Variants in PLPPR4 observed in about 807,000 individuals in gnomAD.
The protein encoded by PLPPR4 is phospholipid phosphatase related 4.
In PLPPR4, 24 loss-of-function variants were observed where a neutral mutation model predicts 56.6. The observed-to-expected ratio is 0.42, with a 90% confidence interval of 0.31 to 0.60. The LOEUF (loss-of-function observed/expected upper bound fraction) is 0.60, where lower values mean the gene tolerates loss of function less well. Ranked by LOEUF, PLPPR4 falls within the 20% of genes least tolerant of loss-of-function variation. The pLI is 0.13. For missense variants in PLPPR4, 654 were observed against 885.8 expected (o/e 0.74, Z 3.32); for synonymous variants, 326 against 328.1 (o/e 0.99, Z 0.07).
Position 99,305,833 on chromosome 1 carries a change from C to T in PLPPR4, c.971C>T (p.Thr324Ile), listed in dbSNP as rs1660009962. 1.2e-6 allele frequency: 2 copies of T among 1,613,984 alleles called. No individual in the cohort carries two copies. Among genetic ancestry groups the T allele is most frequent in the Non-Finnish European group, 1.7e-6 (2 of 1,180,022 alleles). ...AGCAGCAGTGATGGAATTGCTCATA[C>T]AGAAGGCATCCTCAACCGAAACCAC... ...NGSSSDGIAH[T>I]EGILNRNHRD... The change falls in exon 7 of 7, where the codon ACA becomes ATA. Residue 324 changes from threonine (T) to isoleucine (I), a missense_variant. Thr to Ile is a moderately conservative substitution (Grantham distance 89, BLOSUM62 -1). Coordinates refer to ENST00000370185, the MANE Select transcript of PLPPR4 (RefSeq NM_014839.5).
At chr1:99,294,064 C>T (rs1384064541) in intron 2 of PLPPR4, among the ~76,000 whole-genome samples, 1 of 151,154 alleles carries the variant, frequency 6.6e-6, no homozygotes, top group Non-Finnish European at 1.5e-5. Flanking sequence ...AACCTAAATT[C>T]TGACACCATA....
At chr1:99,286,633 A>G (rs1042308425) in intron 1 of PLPPR4, among the ~76,000 whole-genome samples, 7 of 152,184 alleles carry the variant, frequency 4.6e-5, no homozygotes, top group African/African-American at 1.7e-4. Flanking sequence ...AAGAAGCAGT[A>G]GTATAAAGAG....
intron 1 of PLPPR4, among the ~76,000 whole-genome samples, chr1:99,275,407 T>C (rs1659158397): frequency 6.6e-6 from 1 of 152,208 alleles, no homozygotes; most frequent in Non-Finnish European, 1.5e-5. Flanking sequence ...TTTTAGACGG[T>C]TGGCCCAGGA....
chr1:99,289,022 A>C (rs1195572993), intron 2 of PLPPR4, among the ~76,000 whole-genome samples: 2 of 152,166 alleles, frequency 1.3e-5, no homozygotes, highest in Non-Finnish European at 2.9e-5. Context: ...ATACATTGTG[A>C]GTAACACACT....
intron 2 of PLPPR4, among the ~76,000 whole-genome samples, chr1:99,295,621 C>T (rs1659721666): frequency 6.6e-6 from 1 of 152,140 alleles, no homozygotes; most frequent in African/African-American, 2.4e-5. Context: ...ATCTTTTAGG[C>T]ACAATTATCT....
chr1:99,299,295 TC>T, intron 4 of PLPPR4, 65 bp downstream of exon 4: 7 of 1,202,466 alleles, frequency 5.8e-6, no homozygotes, highest in Non-Finnish European at 8.5e-6. Flanking sequence ...GCTTGGAGTA[TC>T]ACTTTAAGCA....
intron 3 of PLPPR4, 72 bp from the exon 4 acceptor site, chr1:99,298,963 A>G (rs1557781887): frequency 1.0e-6 from 1 of 983,386 alleles, no homozygotes; most frequent in Non-Finnish European, 1.6e-6. Context: ...TTAATTCACT[A>G]ATGTTTAATG....
chr1:99,266,549 C>T (rs928666878), intron 1 of PLPPR4, among the ~76,000 whole-genome samples: 1 of 152,218 alleles, frequency 6.6e-6, no homozygotes, highest in African/African-American at 2.4e-5. Flanking sequence ...ACAATTGTTA[C>T]TTCTTTTCCA....
intron 1 of PLPPR4, among the ~76,000 whole-genome samples, chr1:99,274,389 C>T (rs1312549578): frequency 6.6e-6 from 1 of 152,030 alleles, no homozygotes; most frequent in Non-Finnish European, 1.5e-5. Context: ...AATGAATTTT[C>T]TCTGTCCCAT....
In PLPPR4 at chr1:99,300,933, A is replaced by C; in HGVS notation, c.615A>C (p.Ala205=). 6.2e-7 allele frequency: 1 copy of C among 1,612,414 alleles called. No homozygotes were observed. Among genetic ancestry groups the C allele is most frequent in the Non-Finnish European group, 8.5e-7 (1 of 1,178,696 alleles). Residue 205 remains alanine (A), a synonymous_variant, in exon 5 of 7, where the codon GCA becomes GCC. Transcript: ENST00000370185. The part of the protein sequence containing the change: ...SGRKSFPSQH[A]TLAAFAAVYV... The stretch of plus-strand genomic sequence containing the variant: ...GAAAGTCCTTCCCTTCTCAACATGC[A>C]ACCCTTGCTGCCTTTGCAGCTGTGT...
upstream of PLPPR4, chr1:99,264,234 C>T: frequency 1.9e-6 from 1 of 540,210 alleles, no homozygotes; most frequent in Non-Finnish European, 3.2e-6. Context: ...CGTCAAGCTC[C>T]GACAGCCTTG....
At position 99,306,057 on chromosome 1, in the gene PLPPR4, C is replaced by G. The variant is rs768274200; in HGVS notation, c.1195C>G (p.Leu399Val). The change falls in exon 7 of 7, where the codon CTC becomes GTC. Residue 399 changes from leucine to valine, a missense_variant. Coordinates refer to ENST00000370185, the MANE Select transcript of PLPPR4 (RefSeq NM_014839.5). The surrounding 1 kb of genome is among the most constrained non-coding windows in gnomAD (Gnocchi z 4.0). ...TATGGATTCCGCTCGATCAAAGCAG[C>G]TCCTCACCCAGTGGAAGAATAAGAA... is the stretch of plus-strand genomic sequence containing the variant. ...ASMDSARSKQ[L>V]LTQWKNKNES... is the part of the protein sequence containing the mutation. 1.9e-6 allele frequency: 3 copies of G among 1,614,068 alleles called. No individual in the cohort carries two copies. Among genetic ancestry groups the G allele is most frequent in the Non-Finnish European group, 2.5e-6 (3 of 1,180,028 alleles).
chr1:99,301,948 G>A, intron 6 of PLPPR4, 51 bp downstream of exon 6: 1 of 1,368,448 alleles, frequency 7.3e-7, no homozygotes, highest in Non-Finnish European at 1.0e-6. Flanking sequence ...TGGAAAACAT[G>A]CATAGAATAT....
intron 6 of PLPPR4, 82 bp from the exon 7 acceptor site, chr1:99,305,603 A>T (rs376073784): frequency 1.5e-6 from 2 of 1,345,974 alleles, no homozygotes; most frequent in South Asian, 1.4e-5. Flanking sequence ...ATACCTATGT[A>T]TGTACTTCAG....
intron 1 of PLPPR4, among the ~76,000 whole-genome samples, chr1:99,270,425 C>A (rs1197645680): frequency 6.6e-6 from 1 of 152,206 alleles, no homozygotes; most frequent in Non-Finnish European, 1.5e-5. Flanking sequence ...AGTAACTAAA[C>A]AGTTTGTTCA....
rs141367307 is a variant in PLPPR4, at chr1:99,303,772, C to T, written c.822+1875C>T. 3.1e-3 allele frequency among the ~76,000 whole-genome samples: 469 copies of T among 152,256 alleles called. 2 individuals carry two copies. Among genetic ancestry groups the T allele is most frequent in the African/African-American group, 0.011 (457 of 41,542 alleles). On this transcript the variant is annotated intron_variant, in intron 6 of 6. Coordinates refer to ENST00000370185, the MANE Select transcript of PLPPR4 (RefSeq NM_014839.5). ...TCACTTTAAAAGTTATTCTCACTCG[C>T]ATGCATTCTTCACTGCAGGAGAAAG...
chr1:99,287,581 A>G (rs1659497672), intron 1 of PLPPR4, among the ~76,000 whole-genome samples: 1 of 152,256 alleles, frequency 6.6e-6, no homozygotes, highest in South Asian at 2.1e-4. Context: ...AATAATTGCC[A>G]TTCTGACTGG....
intron 2 of PLPPR4, among the ~76,000 whole-genome samples, chr1:99,295,337 C>T (rs1034188128): frequency 6.6e-6 from 1 of 152,028 alleles, no homozygotes; most frequent in African/African-American, 2.4e-5. Flanking sequence ...GCATTCAAAG[C>T]AGAAGGCCAT....
rs1013253773 is a variant in PLPPR4, at chr1:99,307,391, T to C, written c.*381T>C. 7 of 210,080 alleles carry C rather than the reference T, an allele frequency of 3.3e-5. No homozygotes were observed. The highest frequency in any genetic ancestry group is 9.3e-5 in the African/African-American group (4 of 43,208). The allele number at this position is 210,080 out of a possible 1,614,324, so 13.0% of individuals were successfully genotyped here. A position where few individuals can be genotyped will look rare whatever the true frequency, so the allele number is the denominator to read the frequency against. On this transcript the variant is annotated 3_prime_UTR_variant, in exon 7 of 7. Coordinates refer to ENST00000370185, the MANE Select transcript of PLPPR4 (RefSeq NM_014839.5). ...GTGGGAACCCAGAACACACACGTTT[T>C]CCCTACAGCAGAGGCCATGCAGTAT...
Sources: gnomAD v4.1 joint callset for allele counts (sites outside exome capture counted in the v4.1 genomes callset) on GRCh38, gnomAD v4.1.1 for gene constraint, Gnocchi (gnomAD v3.1) non-coding constraint, MANE v1.5 for transcripts, NCBI Gene and HGNC (gene_info 2026-07-23, HGNC 2026-07-21) for gene names.